Variants in ZNF564 observed in about 807,000 individuals in gnomAD.
ZNF564 encodes zinc finger protein 564.
Under a neutral mutation model 10.5 loss-of-function variants are expected in ZNF564, and 5 were observed. The ratio of observed to expected loss-of-function variants is 0.48; its 90% confidence interval spans 0.25 to 1.00. ZNF564 has a LOEUF of 1.00. Ranked by LOEUF, ZNF564 falls within the 50% of genes least tolerant of loss-of-function variation. The pLI is 0.16. For missense variants in ZNF564, 603 were observed against 669.7 expected (o/e 0.90, Z 1.10); for synonymous variants, 242 against 218.1 (o/e 1.11, Z -0.97).
chr19:12,542,308 CAAAAAAAAAAAAAA>C (rs35733202), intron 1 of ZNF564, among the ~76,000 whole-genome samples: 2 of 63,170 alleles, frequency 3.2e-5, no homozygotes, highest in African/African-American at 6.2e-5. Flanking sequence ...GACTCTGTCT[CAAAAAAAAAAAAAA>C]AAAAAAAAAG....
intron 1 of ZNF564, among the ~76,000 whole-genome samples, chr19:12,529,164 G>A (rs541074977): frequency 1.2e-4 from 19 of 152,270 alleles, no homozygotes; most frequent in South Asian, 8.3e-4. Flanking sequence ...TCAGAATTCC[G>A]TCTACATTCA....
At chr19:12,547,240 G>A (rs1019555068) in intron 1 of ZNF564, among the ~76,000 whole-genome samples, 2 of 152,208 alleles carry the variant, frequency 1.3e-5, no homozygotes, top group South Asian at 4.2e-4. Flanking sequence ...TAATTTTGTA[G>A]AGAGATGGTC....
rs750368780 is a variant in ZNF564, at chr19:12,527,596, C to T, written c.512G>A (p.Cys171Tyr). 6.2e-7 allele frequency: 1 copy of T among 1,614,200 alleles called. No individual in the cohort carries two copies. The highest frequency in any genetic ancestry group is 1.1e-5 in the South Asian group (1 of 91,088). ...RTHTGEKPYA[C>Y]PECGKAFISL... Reference sequence around the variant, plus strand: ...AATGAAGGCTTTCCCACATTCCGGACATGCATAGGGTTTCTCACCAGTGTG... The same window carrying T: ...AATGAAGGCTTTCCCACATTCCGGATATGCATAGGGTTTCTCACCAGTGTG... The change falls in exon 4 of 4, where the codon TGT becomes TAT. Residue 171 changes from cysteine to tyrosine, a missense_variant. Transcript: ENST00000339282.
intron 1 of ZNF564, among the ~76,000 whole-genome samples, chr19:12,539,132 G>A (rs1051431021): frequency 1.3e-5 from 2 of 151,224 alleles, no homozygotes; most frequent in Non-Finnish European, 2.9e-5. Context: ...TACTCCGGAG[G>A]CTGAGGCAGA....
intron 1 of ZNF564, among the ~76,000 whole-genome samples, chr19:12,539,330 A>G (rs1390886169): frequency 6.6e-6 from 1 of 151,838 alleles, no homozygotes; most frequent in Non-Finnish European, 1.5e-5. Flanking sequence ...TTAAAAAAGC[A>G]AATAAACTAA....
chr19:12,549,788 G>A (rs2145100822), intron 1 of ZNF564, among the ~76,000 whole-genome samples: 1 of 152,310 alleles, frequency 6.6e-6, no homozygotes, highest in South Asian at 2.1e-4. Flanking sequence ...TCTGGGAGGA[G>A]TGACCCAGGG....
intron 1 of ZNF564, among the ~76,000 whole-genome samples, chr19:12,549,998 A>T (rs1181428025): frequency 6.6e-6 from 1 of 152,104 alleles, no homozygotes; most frequent in African/African-American, 2.4e-5. Flanking sequence ...AAGCACAAAA[A>T]TTTTTTTACC....
rs535300209 is a variant in ZNF564, at chr19:12,544,981, G to A, written c.3+6349C>T. ...CTCCTAAGAGATGAGTGAGGGAGCC[G>A]GGTGTGGTGGCTCATGCTTGTAATC... On this transcript the variant is annotated intron_variant, in intron 1 of 3. Coordinates refer to ENST00000339282, the MANE Select transcript of ZNF564 (RefSeq NM_144976.4). 5.9e-5 allele frequency among the ~76,000 whole-genome samples: 9 copies of A among 152,254 alleles called. No individual in the cohort carries two copies. The East Asian group carries it at 7.7e-4, about 13-fold the overall frequency.
At chr19:12,537,368 A>G (rs1163864147) in intron 1 of ZNF564, among the ~76,000 whole-genome samples, 2 of 152,012 alleles carry the variant, frequency 1.3e-5, no homozygotes, top group African/African-American at 4.8e-5. Context: ...AACACAATAT[A>G]ACAACTATTT....
chr19:12,543,698 A>C (rs2022102655), intron 1 of ZNF564, among the ~76,000 whole-genome samples: 1 of 147,676 alleles, frequency 6.8e-6, no homozygotes, highest in Non-Finnish European at 1.5e-5. Context: ...AAAAAAAAAC[A>C]ACTGAAATAG....
In ZNF564 at chr19:12,526,180, A is replaced by G. The variant is rs1273391899; in HGVS notation, c.*266T>C. 3 of 330,952 alleles carry G rather than the reference A, an allele frequency of 9.1e-6. No individual in the cohort carries two copies. The highest frequency in any genetic ancestry group is 6.4e-5 in the African/African-American group (3 of 46,972). 20.5% of individuals were successfully genotyped at this position (330,952 alleles called of 1,614,324 possible). ...AGCCTAATGTTTAAACTCAAACTCC[A>G]AAGTGTCATCTCAATATCACATCAC... is the stretch of plus-strand genomic sequence containing the variant. On this transcript the variant is annotated 3_prime_UTR_variant, in exon 4 of 4. Coordinates refer to ENST00000339282, the MANE Select transcript of ZNF564 (RefSeq NM_144976.4).
Position 12,551,181 on chromosome 19 carries a change from G to C in ZNF564, c.3+149C>G. On this transcript the variant is annotated intron_variant, in intron 1 of 3. Transcript: ENST00000339282. ...CTACGGCCCAACCCACCCTGCGGCCGAGGGGACAGAGGGCCGAGCTGCGCC... is the reference window on the plus strand; with the variant it reads ...CTACGGCCCAACCCACCCTGCGGCCCAGGGGACAGAGGGCCGAGCTGCGCC... 3 of 895,974 alleles carry C rather than the reference G, an allele frequency of 3.3e-6. No individual in the cohort carries two copies. The South Asian group carries it at 4.5e-5, about 13-fold the overall frequency. The allele number at this position is 895,974 out of a possible 1,614,324, so 55.5% of individuals were successfully genotyped here. A position where few individuals can be genotyped will look rare whatever the true frequency, so the allele number is the denominator to read the frequency against.
At chr19:12,544,258 G>A (rs1208248190) in intron 1 of ZNF564, among the ~76,000 whole-genome samples, 1 of 151,986 alleles carries the variant, frequency 6.6e-6, no homozygotes, top group African/African-American at 2.4e-5. Context: ...TGTAGGGTAT[G>A]TGAACCTATG....
At chr19:12,548,074 C>G in intron 1 of ZNF564, 1 of 790,410 alleles carries the variant, frequency 1.3e-6, no homozygotes, top group Non-Finnish European at 1.5e-6. Context: ...TCCCAAAGGG[C>G]TGGGATTACA....
chr19:12,544,329 G>A (rs1205476277), intron 1 of ZNF564, among the ~76,000 whole-genome samples: 1 of 152,170 alleles, frequency 6.6e-6, no homozygotes, highest in Non-Finnish European at 1.5e-5. Flanking sequence ...CAGCAGCAGT[G>A]ATAACCCATC....
At chr19:12,537,534 T>A (rs1163111915) in intron 1 of ZNF564, among the ~76,000 whole-genome samples, 1 of 151,604 alleles carries the variant, frequency 6.6e-6, no homozygotes, top group Admixed American at 6.6e-5. Context: ...AGGTCGGGAG[T>A]TCGAGACCAG....
chr19:12,544,650 C>T (rs2022117602), intron 1 of ZNF564, among the ~76,000 whole-genome samples: 1 of 152,168 alleles, frequency 6.6e-6, no homozygotes, highest in African/African-American at 2.4e-5. Context: ...AGAGAGGCTG[C>T]AGGGACCACC....
chr19:12,536,437 A>C (rs2021915004), intron 1 of ZNF564, among the ~76,000 whole-genome samples: 1 of 152,172 alleles, frequency 6.6e-6, no homozygotes, highest in African/African-American at 2.4e-5. Flanking sequence ...TTGGCCTCCC[A>C]AAGTGCTGAC....
At chr19:12,540,499 C>T (rs1299809282) in intron 1 of ZNF564, among the ~76,000 whole-genome samples, 1 of 151,948 alleles carries the variant, frequency 6.6e-6, no homozygotes, top group African/African-American at 2.4e-5. Flanking sequence ...GCGGACAGAT[C>T]AGTTGAGGTC....
Sources: gnomAD v4.1 joint callset for allele counts (sites outside exome capture counted in the v4.1 genomes callset) on GRCh38, gnomAD v4.1.1 for gene constraint, MANE v1.5 for transcripts, NCBI Gene and HGNC (gene_info 2026-07-23, HGNC 2026-07-21) for gene names.